PCDH7: variants seen among roughly 807,000 people sequenced by gnomAD.
PCDH7 encodes protocadherin 7.
In PCDH7, 17 loss-of-function variants were observed where a neutral mutation model predicts 58.9. The observed-to-expected ratio is 0.29, with a 90% CI of 0.20 to 0.43. PCDH7 has a LOEUF of 0.43. Ranked by LOEUF, PCDH7 falls within the 20% of genes least tolerant of loss-of-function variation. The probability of loss-of-function intolerance (pLI) is 1.00; values close to 1 mark genes in which losing one functional copy is unlikely to be tolerated. For synonymous variants in PCDH7, 664 were observed against 616.4 expected, an observed-to-expected ratio of 1.08 and a Z score of -1.14; for missense variants, 1,274 against 1,441.0, an observed-to-expected ratio of 0.88 and a Z score of 1.88.
chr4:31,042,499 T>A (rs1755958292), intron 3 of PCDH7, among the ~76,000 whole-genome samples: 1 of 152,142 alleles, frequency 6.6e-6, no homozygotes, highest in Non-Finnish European at 1.5e-5. Flanking sequence ...TGTGTGTGTA[T>A]TTTATATTTA....
intron 1 of PCDH7, among the ~76,000 whole-genome samples, chr4:30,862,779 T>C (rs1734363311): frequency 6.6e-6 from 1 of 152,104 alleles, no homozygotes; most frequent in South Asian, 2.1e-4. Context: ...GATTTAGTCT[T>C]TCTTACTTGA....
intron 1 of PCDH7, among the ~76,000 whole-genome samples, chr4:30,792,989 C>A: frequency 6.6e-6 from 1 of 151,954 alleles, no homozygotes; most frequent in Admixed American, 6.6e-5. Context: ...CAAATTGAAA[C>A]CTGATTGTTA....
rs112954030 is a variant in PCDH7 at position 30,943,724 on chromosome 4, G to GT, written c.288-6383dup. Among the ~76,000 whole-genome samples, 923 of 138,638 alleles carry GT rather than the reference G, an allele frequency of 6.7e-3. 9 individuals are homozygous for GT. Among genetic ancestry groups the GT allele is most frequent in the East Asian group, 0.053 (251 of 4,758 alleles). The allele number at this position is 138,638 out of a possible 152,430, so 91.0% of individuals were successfully genotyped here. ...AAACATTATGAGATTTTTTTTTGCT[G>GT]TTTTTTTTTTTTTAGCTCATCAGCT... On this transcript the variant is annotated intron_variant, in intron 2 of 3. Transcript: ENST00000509759.
At chr4:30,950,543 C>T (rs747770456) in intron 3 of PCDH7, among the ~76,000 whole-genome samples, 3 of 152,026 alleles carry the variant, frequency 2.0e-5, no homozygotes, top group Non-Finnish European at 4.4e-5. Context: ...TACAAACAAT[C>T]GTTATATAAC....
intron 3 of PCDH7, among the ~76,000 whole-genome samples, chr4:31,045,012 C>T (rs910387994): frequency 6.6e-6 from 1 of 151,894 alleles, no homozygotes; most frequent in Admixed American, 6.6e-5. Flanking sequence ...ATTTATATTT[C>T]TTTTGTGGCC....
intron 1 of PCDH7, among the ~76,000 whole-genome samples, chr4:30,883,118 C>T (rs1208552167): frequency 6.6e-6 from 1 of 152,234 alleles, no homozygotes; most frequent in African/African-American, 2.4e-5. Context: ...CTTATCCTTT[C>T]CCTGGACTAT....
chr4:30,777,781 CTAT>C lies in PCDH7; in HGVS notation c.70+53191_70+53193del, dbSNP rs536093946. On this transcript the variant is annotated intron_variant, in intron 1 of 3. Coordinates refer to the PCDH7 transcript ENST00000509759. ...ATGTTCACTTGTGTGCTATATTTGC[CTAT>C]TATTAAAGAGGTATCTGGTAGTATA... Among the ~76,000 whole-genome samples, 7 of 152,120 alleles carry C rather than the reference CTAT, an allele frequency of 4.6e-5. No individual in the cohort carries two copies. In the South Asian group the frequency reaches 1.5e-3, roughly 32 times the overall value.
intron 3 of PCDH7, among the ~76,000 whole-genome samples, chr4:31,006,892 CAAA>C (rs71651570): frequency 3.4e-5 from 4 of 118,264 alleles, no homozygotes; most frequent in Admixed American, 8.6e-5. Flanking sequence ...AACTTTGTCT[CAAA>C]AAAAAAAAAA....
At chr4:30,855,951 T>C (rs1212107657) in intron 1 of PCDH7, among the ~76,000 whole-genome samples, 4 of 152,140 alleles carry the variant, frequency 2.6e-5, no homozygotes, top group Non-Finnish European at 5.9e-5. Context: ...AGGGGCACCG[T>C]CTGGGTAATC....
intron 1 of PCDH7, among the ~76,000 whole-genome samples, chr4:30,822,690 C>T (rs1483095618): frequency 1.3e-5 from 2 of 152,070 alleles, no homozygotes; most frequent in Admixed American, 6.6e-5. Flanking sequence ...GGTCATTGCA[C>T]AAGAAAGATT....
At chr4:30,931,683 AATT>A (rs1455774379) in intron 2 of PCDH7, among the ~76,000 whole-genome samples, 2 of 151,928 alleles carry the variant, frequency 1.3e-5, no homozygotes, top group Non-Finnish European at 2.9e-5. Flanking sequence ...CAGAAAATGG[AATT>A]AAGAACACAC....
chr4:30,751,640 T>C (rs1718536825), intron 1 of PCDH7, among the ~76,000 whole-genome samples: 1 of 152,116 alleles, frequency 6.6e-6, no homozygotes, highest in African/African-American at 2.4e-5. Flanking sequence ...TTTTGCATGG[T>C]CTCTGAAAAG....
At chr4:30,815,592 G>A (rs188946830) in intron 1 of PCDH7, among the ~76,000 whole-genome samples, 242 of 152,336 alleles carry the variant, frequency 1.6e-3, no homozygotes, top group African/African-American at 5.7e-3. Flanking sequence ...CGCATGCGCG[G>A]TGTGTTTACT....
intron 1 of PCDH7, among the ~76,000 whole-genome samples, chr4:30,834,692 C>T (rs1202110701): frequency 4.0e-5 from 6 of 151,600 alleles, no homozygotes; most frequent in Non-Finnish European, 1.5e-5. Context: ...GAGTCTCTTC[C>T]AAGACATTTG....
chr4:30,864,731 C>T (rs2109357121), intron 1 of PCDH7, among the ~76,000 whole-genome samples: 1 of 152,108 alleles, frequency 6.6e-6, no homozygotes, highest in Admixed American at 6.6e-5. Flanking sequence ...TTTCTGGTTA[C>T]TAAGACACTA....
rs552615019 is a variant in PCDH7 at position 30,795,160 on chromosome 4, T to C, written c.70+70564T>C. ...GTGTTTGTTTATTTATTTGTATACA[T>C]TTTGAGATGGAGGTCTCACTATGTT... On this transcript the variant is annotated intron_variant, in intron 1 of 3. Transcript: ENST00000509759. Among the ~76,000 whole-genome samples the C allele has an allele frequency of 3.2e-4, 49 of 152,302 alleles. 1 individual carries two copies. The highest frequency in any genetic ancestry group is 2.1e-4 in the Non-Finnish European group (14 of 68,014).
intron 3 of PCDH7, among the ~76,000 whole-genome samples, chr4:31,128,028 C>CAT (rs1035635062): frequency 4.7e-5 from 7 of 149,970 alleles, no homozygotes; most frequent in South Asian, 2.1e-4. Flanking sequence ...TATATATATA[C>CAT]ATATATATAT....
intron 1 of PCDH7, among the ~76,000 whole-genome samples, chr4:30,900,775 T>A (rs1280239959): frequency 6.6e-6 from 1 of 152,136 alleles, no homozygotes; most frequent in Non-Finnish European, 1.5e-5. Flanking sequence ...GCATTATATA[T>A]GGGGAGTTCC....
At chr4:30,816,545 G>A (rs1577916437) in intron 1 of PCDH7, among the ~76,000 whole-genome samples, 1 of 147,566 alleles carries the variant, frequency 6.8e-6, no homozygotes, top group South Asian at 2.1e-4. Context: ...ATTTTGGAAT[G>A]AGTTTTTTTT....
Sources: gnomAD v4.1 joint callset for allele counts (sites outside exome capture counted in the v4.1 genomes callset) on GRCh38, gnomAD v4.1.1 for gene constraint, MANE v1.5 for transcripts, NCBI Gene and HGNC (gene_info 2026-07-23, HGNC 2026-07-21) for gene names.